Variants in SYNPO observed in about 807,000 individuals in gnomAD.
SYNPO encodes synaptopodin.
A neutral mutation model predicts 49.5 loss-of-function variants in SYNPO; 19 were observed. The ratio of observed to expected loss-of-function variants is 0.38; its 90% CI spans 0.27 to 0.56. SYNPO has a LOEUF of 0.56. SYNPO is among the 20% of genes least tolerant of loss of function. The probability of loss-of-function intolerance (pLI) is 0.68; values close to 1 mark genes in which losing one functional copy is unlikely to be tolerated. For synonymous variants in SYNPO, 536 were observed against 548.0 expected (o/e 0.98, Z 0.31); for missense variants, 1,131 against 1,248.3 (o/e 0.91, Z 1.42).
intron 2 of SYNPO, chr5:150,653,430 CTTTAGAGAT>C (rs1758458104): frequency 6.6e-6 from 1 of 152,226 alleles, no homozygotes; most frequent in Non-Finnish European, 1.5e-5. Context: ...AGAAACAATG[CTTTAGAGAT>C]TTTTAGGTAG....
At chr5:150,610,079 G>A (rs1422522381) in intron 1 of SYNPO, among the ~76,000 whole-genome samples, 3 of 152,240 alleles carry the variant, frequency 2.0e-5, no homozygotes, top group Non-Finnish European at 4.4e-5. Context: ...AAATAGATGT[G>A]ACGTACTGGG....
chr5:150,629,160 G>A (rs1046000672), intron 2 of SYNPO, among the ~76,000 whole-genome samples: 21 of 152,086 alleles, frequency 1.4e-4, no homozygotes, highest in African/African-American at 4.8e-4. Flanking sequence ...CTACAGAGAT[G>A]TGCCACCGTG....
exon 2 of SYNPO, chr5:150,618,661 C>T (rs1290180192): frequency 1.9e-6 from 3 of 1,550,912 alleles, no homozygotes; most frequent in Admixed American, 3.9e-5. Context: ...AAGGGGCGTC[C>T]CAGCACGACG....
chr5:150,627,230 G>C (rs985241084), intron 2 of SYNPO, among the ~76,000 whole-genome samples: 1 of 152,234 alleles, frequency 6.6e-6, no homozygotes, highest in Admixed American at 6.5e-5. Context: ...GCCCGGGGAA[G>C]TACAGGGGGG....
upstream of SYNPO, among the ~76,000 whole-genome samples, chr5:150,639,941 G>A (rs1424492864): frequency 6.7e-6 from 1 of 149,772 alleles, no homozygotes; most frequent in East Asian, 1.9e-4. Flanking sequence ...CCACGTGACT[G>A]GCCCTGCACT....
At chr5:150,597,109 G>A (rs1430168381), upstream of SYNPO, among the ~76,000 whole-genome samples, 2 of 152,146 alleles carry the variant, frequency 1.3e-5, no homozygotes, top group African/African-American at 2.4e-5. Context: ...GGCTAGTGGG[G>A]GACAGTGGGC....
intron 2 of SYNPO, among the ~76,000 whole-genome samples, chr5:150,619,195 C>A (rs10068581): frequency 0.076 from 11,585 of 152,068 alleles, 1,011 homozygotes; most frequent in East Asian, 0.27. Flanking sequence ...GGCACTGGAC[C>A]AAACGGATGT....
rs1050163230 is a variant in SYNPO at position 150,650,931 on chromosome 5, G to A, written c.2028+628G>A. ...AGAGCTTTGCCTCGCCTCCGCCTGC[G>A]CTCCCCTCCAGGGTCCTTCTGCTGG... On this transcript the variant is annotated intron_variant, in intron 2 of 2. Transcript: ENST00000307662. 5.7e-5 allele frequency: 72 copies of A among 1,257,878 alleles called. No homozygotes were observed. The Middle Eastern group carries it at 1.2e-3, about 21-fold the overall frequency. The allele number at this position is 1,257,878 out of a possible 1,614,324, so 77.9% of individuals were successfully genotyped here. A position where few individuals can be genotyped will look rare whatever the true frequency, so the allele number is the denominator to read the frequency against.
chr5:150,623,159 A>G (rs1757234331), intron 2 of SYNPO, among the ~76,000 whole-genome samples: 1 of 152,082 alleles, frequency 6.6e-6, no homozygotes, highest in Non-Finnish European at 1.5e-5. Context: ...TCACACAAAC[A>G]CACATATTCC....
At chr5:150,589,342 GC>G in the SYNPO span, among the ~76,000 whole-genome samples, 1 of 152,116 alleles carries the variant, frequency 6.6e-6, no homozygotes, top group Non-Finnish European at 1.5e-5. Flanking sequence ...AGGATTACAG[GC>G]AAGAACCACC....
At chr5:150,618,536 G>A in exon 2 of SYNPO, 4 of 1,550,896 alleles carry the variant, frequency 2.6e-6, no homozygotes, top group Non-Finnish European at 3.5e-6. Flanking sequence ...CGACCTGGAA[G>A]AGGATGAGGG....
chr5:150,591,683 G>T, the SYNPO span, among the ~76,000 whole-genome samples: 1 of 152,202 alleles, frequency 6.6e-6, no homozygotes, highest in Non-Finnish European at 1.5e-5. Flanking sequence ...GTAAAGGGAA[G>T]ATAGTAACAC....
At chr5:150,592,112 CT>C in the SYNPO span, among the ~76,000 whole-genome samples, 1 of 152,022 alleles carries the variant, frequency 6.6e-6, no homozygotes, top group Non-Finnish European at 1.5e-5. Context: ...TTGCGGTGAG[CT>C]GAGATTGCTC....
chr5:150,636,886 A>T (rs1486779049), upstream of SYNPO, among the ~76,000 whole-genome samples: 1 of 152,122 alleles, frequency 6.6e-6, no homozygotes, highest in Non-Finnish European at 1.5e-5. Flanking sequence ...GGTGGTGAAG[A>T]CAGGGAGAGA....
chr5:150,613,689 TGG>T (rs1376046032), intron 1 of SYNPO, among the ~76,000 whole-genome samples: 2 of 152,236 alleles, frequency 1.3e-5, no homozygotes, highest in East Asian at 3.9e-4. Context: ...CCATGGGCAG[TGG>T]GGCCTTTGGA....
At chr5:150,609,789 G>GGT (rs890143605) in intron 1 of SYNPO, among the ~76,000 whole-genome samples, 2 of 150,810 alleles carry the variant, frequency 1.3e-5, no homozygotes, top group Admixed American at 6.6e-5. Flanking sequence ...AATGTGGCGG[G>GGT]GGGGGGCAGT....
At chr5:150,632,667 GAGA>G (rs968431642) in intron 2 of SYNPO, among the ~76,000 whole-genome samples, 4 of 152,186 alleles carry the variant, frequency 2.6e-5, no homozygotes, top group African/African-American at 9.7e-5. Flanking sequence ...TATGGGTTTG[GAGA>G]AGGAGTGCTT....
At chr5:150,616,352 G>T (rs2151361587) in intron 1 of SYNPO, among the ~76,000 whole-genome samples, 1 of 152,334 alleles carries the variant, frequency 6.6e-6, no homozygotes, top group African/African-American at 2.4e-5. Flanking sequence ...CCATTTTGCA[G>T]TAGGATAAGT....
At chr5:150,646,962 G>C (rs1352810029) in intron 1 of SYNPO, among the ~76,000 whole-genome samples, 1 of 152,124 alleles carries the variant, frequency 6.6e-6, no homozygotes, top group Non-Finnish European at 1.5e-5. Flanking sequence ...AAGTCAGGTG[G>C]CCGGGCACGG....
Sources: allele counts gnomAD v4.1 joint callset (sites outside exome capture counted in the v4.1 genomes callset), GRCh38; gene constraint gnomAD v4.1.1; transcripts MANE v1.5; gene names NCBI Gene and HGNC (gene_info 2026-07-23, HGNC 2026-07-21).